The following CLUAP1 variants were observed in gnomAD, a reference collection of about 807,000 sequenced individuals.
The protein encoded by CLUAP1 is intraflagellar transport 38, also known as clusterin-associated protein 1.
Under a neutral mutation model 55.0 loss-of-function variants are expected in CLUAP1, and 50 were observed. The ratio of observed to expected loss-of-function variants is 0.91; its 90% CI spans 0.72 to 1.15. The LOEUF (loss-of-function observed/expected upper bound fraction) is 1.15, where lower values mean the gene tolerates loss of function less well. Among genes scored for constraint, CLUAP1 ranks in the 50% most tolerant of loss-of-function variants. The probability of loss-of-function intolerance (pLI) is 0.00; values close to 1 mark genes in which losing one functional copy is unlikely to be tolerated. For missense variants in CLUAP1, 530 were observed against 507.6 expected (o/e 1.04, Z -0.42); for synonymous variants, 195 against 175.4 (o/e 1.11, Z -0.88).
intron 1 of CLUAP1, among the ~76,000 whole-genome samples, chr16:3,501,436 G>A (rs2037399644): frequency 6.6e-6 from 1 of 152,256 alleles, no homozygotes; most frequent in Non-Finnish European, 1.5e-5. Flanking sequence ...ATTGGAAAAT[G>A]CATGGAGAGT....
intron 1 of CLUAP1, among the ~76,000 whole-genome samples, chr16:3,501,556 G>A (rs1194235742): frequency 2.0e-5 from 3 of 152,210 alleles, no homozygotes; most frequent in African/African-American, 7.2e-5. Flanking sequence ...GCCGAGGCGG[G>A]CGAATCACCT....
At chr16:3,535,388 C>T in intron 11 of CLUAP1, 1 of 151,924 alleles carries the variant, frequency 6.6e-6, no homozygotes, top group Admixed American at 6.6e-5. Context: ...GGTTTTTTTT[C>T]AAGAAGGAAA....
At chr16:3,517,557 C>T (rs2151054719) in intron 6 of CLUAP1, among the ~76,000 whole-genome samples, 1 of 152,118 alleles carries the variant, frequency 6.6e-6, no homozygotes, top group East Asian at 1.9e-4. Flanking sequence ...GGTGATCCGC[C>T]CGCCTTGACC....
chr16:3,520,179 C>A, intron 7 of CLUAP1, 143 bp downstream of exon 7: 2 of 786,512 alleles, frequency 2.5e-6, no homozygotes, highest in Non-Finnish European at 3.9e-6. Context: ...TTGAGACCAG[C>A]CTGGGCAGCA....
At chr16:3,519,440 C>A (rs2037791309) in intron 6 of CLUAP1, among the ~76,000 whole-genome samples, 1 of 152,224 alleles carries the variant, frequency 6.6e-6, no homozygotes, top group African/African-American at 2.4e-5. Flanking sequence ...AGGGCTGGGA[C>A]CAGCTGTTTC....
At chr16:3,499,665 T>G (rs1380487907), upstream of CLUAP1, among the ~76,000 whole-genome samples, 1 of 152,242 alleles carries the variant, frequency 6.6e-6, no homozygotes, top group African/African-American at 2.4e-5. Context: ...CTTGATACAT[T>G]CTGGATACAC....
chr16:3,511,431 A>G lies in CLUAP1; in HGVS notation c.400-952A>G, dbSNP rs550310175. 5.3e-5 allele frequency among the ~76,000 whole-genome samples: 8 copies of G among 152,296 alleles called. No individual in the cohort carries two copies. The South Asian group carries it at 1.7e-3, about 32-fold the overall frequency. On this transcript the variant is annotated intron_variant, in intron 4 of 11. Transcript: ENST00000576634. The stretch of plus-strand genomic sequence containing the variant: ...ATCACCTTCCTGGCAACAGCTGCCC[A>G]TCTGTGGAGCCCAGAACCATTGTAA...
At chr16:3,523,763 G>C (rs1000794571) in intron 8 of CLUAP1, among the ~76,000 whole-genome samples, 2 of 152,172 alleles carry the variant, frequency 1.3e-5, no homozygotes, top group Non-Finnish European at 2.9e-5. Flanking sequence ...TCAGGAGTTT[G>C]AGACCAGCCT....
chr16:3,509,656 G>A (rs934241109), intron 4 of CLUAP1, among the ~76,000 whole-genome samples: 5 of 152,190 alleles, frequency 3.3e-5, no homozygotes, highest in Admixed American at 6.5e-5. Flanking sequence ...TGAAGGCCCC[G>A]GGGCTGGGAG....
chr16:3,499,162 T>C (rs1379275802), upstream of CLUAP1, among the ~76,000 whole-genome samples: 1 of 152,250 alleles, frequency 6.6e-6, no homozygotes, highest in South Asian at 2.1e-4. Context: ...CACGCCAACA[T>C]GGCGAAACTC....
intron 1 of CLUAP1, among the ~76,000 whole-genome samples, chr16:3,503,497 A>G (rs1184792124): frequency 1.3e-5 from 2 of 152,018 alleles, no homozygotes; most frequent in South Asian, 2.1e-4. Context: ...GGGTTTCACC[A>G]TTTTGGTCAG....
chr16:3,526,597 C>A, intron 9 of CLUAP1, 113 bp downstream of exon 9: 4 of 504,098 alleles, frequency 7.9e-6, no homozygotes, highest in Non-Finnish European at 1.2e-5. Flanking sequence ...TTCTTTTTTT[C>A]AGCAGTTTTT....
At chr16:3,512,663 A>C (rs960304437) in intron 5 of CLUAP1, among the ~76,000 whole-genome samples, 185 bp downstream of exon 5, 1 of 151,810 alleles carries the variant, frequency 6.6e-6, no homozygotes, top group Non-Finnish European at 1.5e-5. Flanking sequence ...GTCTAGCTTT[A>C]TTTATTTATT....
chr16:3,526,401 C>T lies in CLUAP1; in HGVS notation c.856-11C>T. 1.3e-6 allele frequency: 2 copies of T among 1,585,894 alleles called. No individual in the cohort carries two copies. Among genetic ancestry groups the T allele is most frequent in the Non-Finnish European group, 1.7e-6 (2 of 1,168,296 alleles). On this transcript the variant is annotated splice_polypyrimidine_tract_variant and intron_variant, in intron 8 of 11. Transcript: ENST00000576634. ...GCCATCTCTCCTGAGTCTGTATTTC[C>T]TCTTCCACAGGAAGCTAAAAACACT...
At chr16:3,515,467 C>T in intron 5 of CLUAP1, 41 bp from the exon 6 acceptor site, 2 of 1,452,894 alleles carry the variant, frequency 1.4e-6, no homozygotes, top group Non-Finnish European at 1.9e-6. Flanking sequence ...TTGAGAACTC[C>T]TTTTCTGAAA....
rs2037649733 is a variant in CLUAP1, at chr16:3,512,531, T to A, written c.495+53T>A. 2.9e-6 allele frequency: 4 copies of A among 1,376,538 alleles called. No homozygotes were observed. The East Asian group carries it at 9.2e-5, about 32-fold the overall frequency. 85.3% of individuals were successfully genotyped at this position (1,376,538 alleles called of 1,614,324 possible). On this transcript the variant is annotated intron_variant, in intron 5 of 11. Coordinates refer to ENST00000576634, the MANE Select transcript of CLUAP1 (RefSeq NM_015041.3). ...TGCAGATTTTCTCTTCAAGGTTTTC[T>A]TTTTCAATTCTGTTTCTCCCTTTTC...
chr16:3,500,986 C>T (rs1234489578), upstream of CLUAP1: 2 of 1,423,942 alleles, frequency 1.4e-6, no homozygotes, highest in African/African-American at 1.4e-5. Flanking sequence ...CCATTGGTTG[C>T]CATAGAGATC....
rs776985970 is a variant in CLUAP1 at position 3,536,200 on chromosome 16, C to T, written c.1171C>T (p.Leu391Phe). The stretch of plus-strand genomic sequence containing the variant: ...CGATTTGGAAGACGAGAGCATTTCT[C>T]TCTCACCAACCAAGCCCAATCGAAG... ...DDDLEDESIS[L>F]SPTKPNRRVR... Residue 391 changes from leucine (L) to phenylalanine (F), a missense_variant, in exon 12 of 12, where the codon CTC (leucine) becomes TTC (phenylalanine). Coordinates refer to ENST00000576634, the MANE Select transcript of CLUAP1 (RefSeq NM_015041.3). 6.2e-7 allele frequency: 1 copy of T among 1,614,144 alleles called. No individual in the cohort carries two copies. The highest frequency in any genetic ancestry group is 8.5e-7 in the Non-Finnish European group (1 of 1,180,032).
intron 6 of CLUAP1, 88 bp from the exon 7 acceptor site, chr16:3,519,815 C>A: frequency 1.5e-6 from 2 of 1,320,610 alleles, no homozygotes; most frequent in Non-Finnish European, 2.1e-6. Flanking sequence ...CATAATGTTG[C>A]TATGCCTGAA....
Sources: gnomAD v4.1 joint callset for allele counts (sites outside exome capture counted in the v4.1 genomes callset) on GRCh38, gnomAD v4.1.1 for gene constraint, MANE v1.5 for transcripts, NCBI Gene and HGNC (gene_info 2026-07-23, HGNC 2026-07-21) for gene names.